The following MIDEAS variants were observed in gnomAD, a reference collection of about 807,000 sequenced individuals.
MIDEAS encodes the protein mitotic deacetylase-associated SANT domain protein.
In MIDEAS, 26 loss-of-function variants were observed where a neutral mutation model predicts 102.7. That is an observed-to-expected ratio of 0.25 (90% CI 0.19 to 0.35). The LOEUF is 0.35. Among genes scored for constraint, MIDEAS ranks in the 10% least tolerant of loss-of-function variants. The pLI is 1.00. For synonymous variants in MIDEAS, 585 were observed against 591.0 expected (o/e 0.99, Z 0.15); for missense variants, 1,231 against 1,435.6 (o/e 0.86, Z 2.30).
Position 73,738,869 on chromosome 14 carries a change from C to A in MIDEAS, c.1140G>T (p.Trp380Cys). The change falls in exon 2 of 13, where the codon TGG (tryptophan) becomes TGT (cysteine). Residue 380 changes from tryptophan (W) to cysteine (C), a missense_variant. By Grantham distance (215) the Trp-to-Cys change is radical. Transcript: ENST00000423556. ...AGCCAGGTGGCGGCTGCTGCAGGGG[C>A]CAGTGATGTAGGAACAGGTTGCCAG... Reference protein sequence around the residue: ...EATGNLFLHHWPLQQPPPGSL... With the variant: ...EATGNLFLHHCPLQQPPPGSL... The A allele has an allele frequency of 6.4e-7, 1 of 1,567,988 alleles. No homozygotes were observed. The highest frequency in any genetic ancestry group is 1.2e-5 in the South Asian group (1 of 83,568).
At chr14:73,770,809 G>A (rs142275420) in intron 1 of MIDEAS, among the ~76,000 whole-genome samples, 2 of 152,064 alleles carry the variant, frequency 1.3e-5, no homozygotes, top group African/African-American at 2.4e-5. Flanking sequence ...TCAAAAAACC[G>A]AGCTGCTGAC....
chr14:73,722,714 A>G lies in MIDEAS; in HGVS notation c.2708T>C (p.Val903Ala), dbSNP rs781557629. The change falls in exon 10 of 13, where the codon GTT becomes GCT. Residue 903 changes from valine to alanine, a missense_variant. Val to Ala is a moderately conservative substitution (Grantham distance 64). Transcript: ENST00000423556. ...AGGAGTCACCTTAATATCCACTTCA[A>G]CCTCTTCCTGGGCCGACTTCTCATC... ...TSDEKSAQEE[V>A]EVDIKTSQKF... The G allele has an allele frequency of 1.9e-6, 3 of 1,613,444 alleles. No individual in the cohort carries two copies. Among genetic ancestry groups the G allele is most frequent in the African/African-American group, 1.3e-5 (1 of 74,730 alleles).
rs372537065 is a variant in MIDEAS, at chr14:73,719,528, G to T, written c.2938-27C>A. On this transcript the variant is annotated intron_variant, in intron 11 of 12. Transcript: ENST00000423556. ...TGAAGAAAATCAAACAAGGAGAGTT[G>T]AGTGATCTGAGCAAGCGCAGATCTG... The T allele has an allele frequency of 5.0e-6, 8 of 1,605,234 alleles. No individual in the cohort carries two copies. In the African/African-American group the frequency reaches 8.0e-5, roughly 16 times the overall value.
In MIDEAS at chr14:73,721,594, C is replaced by T. The variant is rs1043385619; in HGVS notation, c.2725-85G>A. Reference sequence around the variant, plus strand: ...GATTCTGACCCGGCCGGGGGGTTCACCAGCCCCAGCTAGTCCTGCTCGCCT... The same window carrying T: ...GATTCTGACCCGGCCGGGGGGTTCATCAGCCCCAGCTAGTCCTGCTCGCCT... On this transcript the variant is annotated intron_variant, in intron 10 of 12. Transcript: ENST00000423556. 1.1e-4 allele frequency: 139 copies of T among 1,250,154 alleles called. 1 individual carries two copies. The Admixed American group carries it at 1.6e-3, about 15-fold the overall frequency. The allele number at this position is 1,250,154 out of a possible 1,614,324, so 77.4% of individuals were successfully genotyped here.
intron 10 of MIDEAS, 196 bp downstream of exon 10, chr14:73,722,502 A>G: frequency 6.0e-6 from 3 of 497,418 alleles, no homozygotes; most frequent in Non-Finnish European, 3.5e-6. Context: ...TATCAACACA[A>G]TGTATTATTA....
chr14:73,721,245 G>C, intron 11 of MIDEAS, 52 bp downstream of exon 11: 1 of 1,575,522 alleles, frequency 6.3e-7, no homozygotes, highest in Non-Finnish European at 8.7e-7. Flanking sequence ...ACGCCCCCAG[G>C]CCCAGCTCCA....
chr14:73,761,674 TC>T (rs1361069204), upstream of MIDEAS, among the ~76,000 whole-genome samples: 1 of 152,060 alleles, frequency 6.6e-6, no homozygotes, highest in Non-Finnish European at 1.5e-5. Context: ...GAAACCACCT[TC>T]TACAAAAAAA....
chr14:73,756,791 C>T (rs180780321), intron 1 of MIDEAS, among the ~76,000 whole-genome samples: 125 of 152,298 alleles, frequency 8.2e-4, no homozygotes, highest in African/African-American at 2.8e-3. Flanking sequence ...ACATGCACTC[C>T]ACAAGGCCAG....
chr14:73,746,950 C>G (rs1033171401), intron 1 of MIDEAS, among the ~76,000 whole-genome samples: 1 of 152,152 alleles, frequency 6.6e-6, no homozygotes, highest in African/African-American at 2.4e-5. Context: ...AATTATAATG[C>G]AAGGAAGCCC....
At chr14:73,723,143 A>ATT in intron 9 of MIDEAS, 1 of 199,814 alleles carries the variant, frequency 5.0e-6, no homozygotes, top group Non-Finnish European at 1.0e-5. Flanking sequence ...GCATTACTGT[A>ATT]TTTTTTTTTC....
rs964647951 is a variant in MIDEAS at position 73,717,502 on chromosome 14, C to G, written c.*1341G>C. 1 of 152,490 alleles carries G rather than the reference C, an allele frequency of 6.6e-6. No homozygotes were observed. The highest frequency in any genetic ancestry group is 2.4e-5 in the African/African-American group (1 of 41,464). The allele number at this position is 152,490 out of a possible 1,614,324, so 9.4% of individuals were successfully genotyped here. ...AAGAACTGCCTTAATCTCCCTTGCT[C>G]TGTGTGGGTCTGGTGACACCCTCCA... On this transcript the variant is annotated 3_prime_UTR_variant, in exon 13 of 13. Transcript: ENST00000423556.
rs555202145 is a variant in MIDEAS, at chr14:73,718,858, C to G, written c.3285G>C (p.Ala1095=). Reference sequence around the variant, plus strand: ...GCTCCCGCGCTCAGCCCTTGTCGCCCGCACCGCTCTCCTCCCGCAGGGCCT... The same window carrying G: ...GCTCCCGCGCTCAGCCCTTGTCGCCGGCACCGCTCTCCTCCCGCAGGGCCT... ...HQQALREESG[A]GDKG Residue 1095 remains alanine, a synonymous_variant, in exon 13 of 13, where the codon GCG becomes GCC. Coordinates refer to ENST00000423556, the MANE Select transcript of MIDEAS (RefSeq NM_001367710.1). 118 of 1,492,312 alleles carry G rather than the reference C, an allele frequency of 7.9e-5. No individual in the cohort carries two copies. The highest frequency in any genetic ancestry group is 1.0e-4 in the Non-Finnish European group (115 of 1,128,462). 92.4% of individuals were successfully genotyped at this position (1,492,312 alleles called of 1,614,324 possible). A position where few individuals can be genotyped will look rare whatever the true frequency, so the allele number is the denominator to read the frequency against.
At chr14:73,722,982 A>G in intron 9 of MIDEAS, 135 bp from the exon 10 acceptor site, 1 of 987,642 alleles carries the variant, frequency 1.0e-6, no homozygotes, top group East Asian at 2.4e-5. Context: ...CAGGCAATAC[A>G]AGCATTTTTC....
In MIDEAS at chr14:73,730,724, G is replaced by C. The variant is rs114187225; in HGVS notation, c.1750-739C>G. Among the ~76,000 whole-genome samples, 580 of 151,790 alleles carry C rather than the reference G, an allele frequency of 3.8e-3. 2 individuals carry two copies. Among genetic ancestry groups the C allele is most frequent in the African/African-American group, 0.013 (554 of 41,216 alleles). ...TCTCAGCACTTTGGGAGGTCGAGGTGGGGGGGAGGGGATCACTTGAGGTCA... is the reference window on the plus strand; with the variant it reads ...TCTCAGCACTTTGGGAGGTCGAGGTCGGGGGGAGGGGATCACTTGAGGTCA... On this transcript the variant is annotated intron_variant, in intron 3 of 12. Coordinates refer to ENST00000423556, the MANE Select transcript of MIDEAS (RefSeq NM_001367710.1).
Position 73,739,718 on chromosome 14 carries a change from C to T in MIDEAS, c.291G>A (p.Trp97Ter). Residue 97 changes from tryptophan (W) to a stop codon, truncating the protein, a stop_gained, in exon 2 of 13, where the codon TGG becomes TGA. Transcript: ENST00000423556. LOFTEE classifies it high-confidence loss of function. ...MLSQQVASVK[W>*]PNSVMAPGRG... ...GCCCTGGAGCCATCACAGAGTTGGG[C>T]CACTTTACTGAGGCCACCTGCTGGG... is the stretch of plus-strand genomic sequence containing the variant. The T allele has an allele frequency of 6.2e-7, 1 of 1,613,926 alleles. No individual in the cohort carries two copies. Among genetic ancestry groups the T allele is most frequent in the Non-Finnish European group, 8.5e-7 (1 of 1,180,008 alleles).
intron 1 of MIDEAS, among the ~76,000 whole-genome samples, chr14:73,750,961 G>A (rs923444839): frequency 2.0e-5 from 3 of 152,212 alleles, no homozygotes; most frequent in African/African-American, 7.2e-5. Flanking sequence ...CAGGCATGGT[G>A]CTAAGCACAC....
At chr14:73,750,186 G>T (rs2053403874) in intron 1 of MIDEAS, among the ~76,000 whole-genome samples, 1 of 152,184 alleles carries the variant, frequency 6.6e-6, no homozygotes, top group Non-Finnish European at 1.5e-5. Flanking sequence ...GGAGTCTTAT[G>T]TCCTCATTCT....
rs1233921042 is a variant in MIDEAS at position 73,716,228 on chromosome 14, A to G, written c.*2615T>C. 1.3e-5 allele frequency: 2 copies of G among 152,386 alleles called. No homozygotes were observed. Among genetic ancestry groups the G allele is most frequent in the East Asian group, 3.9e-4 (2 of 5,194 alleles). The allele number at this position is 152,386 out of a possible 1,614,324, so 9.4% of individuals were successfully genotyped here. A position where few individuals can be genotyped will look rare whatever the true frequency, so the allele number is the denominator to read the frequency against. ...CTTGCCACAATTGCATCTGCCCTCT[A>G]AACTTTTTAATTTTCACACTGTATC... On this transcript the variant is annotated 3_prime_UTR_variant, in exon 13 of 13. Coordinates refer to ENST00000423556, the MANE Select transcript of MIDEAS (RefSeq NM_001367710.1).
At chr14:73,761,699 C>G (rs1323671431), upstream of MIDEAS, among the ~76,000 whole-genome samples, 2 of 152,166 alleles carry the variant, frequency 1.3e-5, no homozygotes, top group Admixed American at 6.5e-5. Flanking sequence ...CCGGGCTCCC[C>G]GATTTAGCAT....
Sources: gnomAD v4.1 joint callset for allele counts (sites outside exome capture counted in the v4.1 genomes callset) on GRCh38, gnomAD v4.1.1 for gene constraint, MANE v1.5 for transcripts, NCBI Gene and HGNC (gene_info 2026-07-23, HGNC 2026-07-21) for gene names.